The following SLC4A7 variants were observed in gnomAD, a reference collection of about 807,000 sequenced individuals.
SLC4A7 encodes sodium bicarbonate cotransporter 3.
SLC4A7 carries 51 observed loss-of-function variants against 137.6 expected under a neutral mutation model. That is an observed-to-expected ratio of 0.37 (90% CI 0.30 to 0.47). The LOEUF is 0.47. Ranked by LOEUF, SLC4A7 falls within the 20% of genes least tolerant of loss-of-function variation. The probability of loss-of-function intolerance (pLI) is 1.00; values close to 1 mark genes in which losing one functional copy is unlikely to be tolerated. For missense variants in SLC4A7, 1,247 were observed against 1,525.4 expected, an observed-to-expected ratio of 0.82 and a Z score of 3.04; for synonymous variants, 542 against 518.6, an observed-to-expected ratio of 1.05 and a Z score of -0.61.
rs1382768641 is a variant in SLC4A7, at chr3:27,482,915, T to C, written c.60+1152A>G. Among the ~76,000 whole-genome samples, 12 of 152,366 alleles carry C rather than the reference T, an allele frequency of 7.9e-5. No individual in the cohort carries two copies. In the South Asian group the frequency reaches 1.4e-3, roughly 18 times the overall value. On this transcript the variant is annotated intron_variant, in intron 1 of 25. Transcript: ENST00000454389. ...GTTTTCTTCTATGTTAGAGAACTTA[T>C]ATGAACGTACTGAACTAATGAATGA...
rs2050187462 is a variant in SLC4A7, at chr3:27,379,282, G to A, written c.3665C>T (p.Thr1222Ile). ...TAQWKALSMN[T>I]ENAKVTRSNM... ...AGATCTGGTTACTTTGGCATTCTCA[G>A]TATTCATGGAAAGTGCCTTCCACTG... Residue 1222 changes from threonine to isoleucine, a missense_variant, in exon 25 of 26, where the codon ACT becomes ATT. Physicochemically the swap from Thr to Ile is moderately conservative, Grantham distance 89 (BLOSUM62 -1). Transcript: ENST00000454389. 6.5e-7 allele frequency: 1 copy of A among 1,534,820 alleles called. No individual in the cohort carries two copies. Among genetic ancestry groups the A allele is most frequent in the Admixed American group, 2.0e-5 (1 of 50,980 alleles).
Position 27,407,461 on chromosome 3 carries a change from G to A in SLC4A7, c.1941+1895C>T, listed in dbSNP as rs6766346. ...CGCCACTGCACTCCAGCCTGGTGACGGAGCGAGACTCCGCCTCAAAAAAAA... is the reference window on the plus strand; with the variant it reads ...CGCCACTGCACTCCAGCCTGGTGACAGAGCGAGACTCCGCCTCAAAAAAAA... On this transcript the variant is annotated intron_variant, in intron 13 of 25. Transcript: ENST00000454389. Among the ~76,000 whole-genome samples, 970 of 148,814 alleles carry A rather than the reference G, an allele frequency of 6.5e-3. 15 individuals carry two copies. The highest frequency in any genetic ancestry group is 0.023 in the African/African-American group (919 of 40,364).
intron 3 of SLC4A7, among the ~76,000 whole-genome samples, chr3:27,444,916 T>C (rs2057472374): frequency 6.6e-6 from 1 of 152,214 alleles, no homozygotes; most frequent in African/African-American, 2.4e-5. Flanking sequence ...CTTTTAGTAG[T>C]GTAATACTTT....
At chr3:27,384,458 G>T (rs1481099492) in intron 23 of SLC4A7, among the ~76,000 whole-genome samples, 1 of 152,118 alleles carries the variant, frequency 6.6e-6, no homozygotes, top group Non-Finnish European at 1.5e-5. Flanking sequence ...AGGAGCCCCT[G>T]ATAACTTTGT....
At chr3:27,408,013 A>G (rs1299170613) in intron 13 of SLC4A7, among the ~76,000 whole-genome samples, 1 of 152,212 alleles carries the variant, frequency 6.6e-6, no homozygotes, top group Non-Finnish European at 1.5e-5. Context: ...ACTTTCTTCT[A>G]TAATATTTCT....
chr3:27,448,936 AT>A, intron 2 of SLC4A7, 139 bp from the exon 3 acceptor site: 1 of 523,686 alleles, frequency 1.9e-6, no homozygotes, highest in Non-Finnish European at 3.2e-6. Flanking sequence ...TACTTCTCTT[AT>A]TTTATAAAGC....
intron 15 of SLC4A7, among the ~76,000 whole-genome samples, chr3:27,401,244 A>G (rs1416768829): frequency 6.6e-6 from 1 of 152,192 alleles, no homozygotes; most frequent in Non-Finnish European, 1.5e-5. Context: ...TAGCACATAT[A>G]GATTCCCAAT....
At chr3:27,449,183 A>C (rs1464569089) in intron 2 of SLC4A7, among the ~76,000 whole-genome samples, 7 of 152,060 alleles carry the variant, frequency 4.6e-5, no homozygotes, top group Non-Finnish European at 1.5e-5. Context: ...TACAGGTATG[A>C]GCCACCGCAC....
At chr3:27,445,568 A>C (rs1370300330) in intron 3 of SLC4A7, among the ~76,000 whole-genome samples, 1 of 151,992 alleles carries the variant, frequency 6.6e-6, no homozygotes, top group Non-Finnish European at 1.5e-5. Flanking sequence ...ACTTTCAGTT[A>C]TTAGATAAAT....
chr3:27,448,479 TA>T (rs893976309), intron 3 of SLC4A7, among the ~76,000 whole-genome samples, 171 bp downstream of exon 3: 55 of 149,846 alleles, frequency 3.7e-4, no homozygotes, highest in Middle Eastern at 6.8e-3. Context: ...ATAAAAATTA[TA>T]AAAAAAAAAT....
At chr3:27,435,472 T>C (rs2056660178) in intron 5 of SLC4A7, among the ~76,000 whole-genome samples, 1 of 152,178 alleles carries the variant, frequency 6.6e-6, no homozygotes, top group Admixed American at 6.5e-5. Context: ...ATGATCTTCC[T>C]GAATGTGTAT....
At chr3:27,383,548 T>C (rs1433483294) in intron 23 of SLC4A7, among the ~76,000 whole-genome samples, 5 of 152,232 alleles carry the variant, frequency 3.3e-5, no homozygotes, top group Non-Finnish European at 7.3e-5. Flanking sequence ...TATGTAGGTT[T>C]ATAATGAGAG....
intron 1 of SLC4A7, among the ~76,000 whole-genome samples, chr3:27,480,398 T>C (rs140233885): frequency 6.6e-6 from 1 of 152,082 alleles, no homozygotes; most frequent in African/African-American, 2.4e-5. Flanking sequence ...CACATATGGG[T>C]AATTATGTTT....
At position 27,434,179 on chromosome 3, in the gene SLC4A7, C is replaced by T. The variant is rs919814052; in HGVS notation, c.590-75G>A. The T allele has an allele frequency of 1.1e-5, 12 of 1,067,256 alleles. No individual in the cohort carries two copies. In the Admixed American group the frequency reaches 3.1e-4, roughly 28 times the overall value. The allele number at this position is 1,067,256 out of a possible 1,614,324, so 66.1% of individuals were successfully genotyped here. On this transcript the variant is annotated intron_variant, in intron 5 of 25. Transcript: ENST00000454389. ...TATAGGAATAAACTGTGAGTGAAAC[C>T]TTATGACAAAAATTAGAACCTTAAA...
At chr3:27,411,528 C>A (rs914436579) in intron 12 of SLC4A7, 114 bp downstream of exon 12, 5 of 400,572 alleles carry the variant, frequency 1.2e-5, no homozygotes, top group Non-Finnish European at 2.2e-5. Flanking sequence ...CATTTTTATA[C>A]ATATGAAAAA....
intron 2 of SLC4A7, 24 bp downstream of exon 2, chr3:27,452,393 G>GT (rs769660395): frequency 4.1e-6 from 6 of 1,463,194 alleles, no homozygotes; most frequent in South Asian, 2.4e-5. Flanking sequence ...ACTAAGCGAA[G>GT]TAAGTTATTT....
chr3:27,465,076 T>C (rs965081501), intron 1 of SLC4A7, among the ~76,000 whole-genome samples: 10 of 151,976 alleles, frequency 6.6e-5, no homozygotes, highest in African/African-American at 1.7e-4. Context: ...GGTGGGCGGA[T>C]TGCCTGAGCT....
chr3:27,468,965 G>C (rs1242225154), intron 1 of SLC4A7, among the ~76,000 whole-genome samples: 1 of 152,000 alleles, frequency 6.6e-6, no homozygotes, highest in Non-Finnish European at 1.5e-5. Context: ...ATATTAGCCA[G>C]GCTTCGTGGC....
chr3:27,408,095 TG>T (rs1174318176), intron 13 of SLC4A7, among the ~76,000 whole-genome samples: 14 of 152,256 alleles, frequency 9.2e-5, no homozygotes, highest in South Asian at 4.1e-4. Context: ...CAAAGCACTA[TG>T]TATATACTAT....
Sources: allele counts gnomAD v4.1 joint callset (sites outside exome capture counted in the v4.1 genomes callset), GRCh38; gene constraint gnomAD v4.1.1; transcripts MANE v1.5; gene names NCBI Gene and HGNC (gene_info 2026-07-23, HGNC 2026-07-21).